The following CNTNAP3B variants were observed in gnomAD, a reference collection of about 807,000 sequenced individuals.
The protein encoded by CNTNAP3B is contactin-associated protein-like 3B.
A neutral mutation model predicts 108.9 loss-of-function variants in CNTNAP3B; 25 were observed. The observed-to-expected ratio is 0.23, with a 90% confidence interval of 0.17 to 0.32. CNTNAP3B has a LOEUF of 0.32. Among genes scored for constraint, CNTNAP3B ranks in the 10% least tolerant of loss-of-function variants. CNTNAP3B has a pLI of 1.00. For synonymous variants in CNTNAP3B, 103 were observed against 473.4 expected (o/e 0.22, Z 10.16); for missense variants, 252 against 1,210.4 (o/e 0.21, Z 11.75).
intron 4 of CNTNAP3B, among the ~76,000 whole-genome samples, chr9:42,012,242 T>A (rs1363858179): frequency 2.5e-5 from 3 of 119,352 alleles, no homozygotes; most frequent in Admixed American, 1.7e-4. Flanking sequence ...ATATCAGACA[T>A]CTTAGCCATT....
chr9:41,939,496 C>G (rs1432817765), intron 13 of CNTNAP3B, among the ~76,000 whole-genome samples: 1 of 143,078 alleles, frequency 7.0e-6, no homozygotes, highest in African/African-American at 2.7e-5. Context: ...GCCCCTCTGC[C>G]AAAAAACAAA....
Position 42,129,136 on chromosome 9 carries a change from G to T in CNTNAP3B, c.-42C>A, listed in dbSNP as rs758927482. On this transcript the variant is annotated 5_prime_UTR_variant, in exon 1 of 24. Transcript: ENST00000377561. ...CGCCCTGAGACCCGGGCACGGCGAC[G>T]GCCGCTCTGCGTCGTTCCTGCTCTC... is the stretch of plus-strand genomic sequence containing the variant. The T allele has an allele frequency of 4.6e-5, 71 of 1,526,894 alleles. 5 individuals carry two copies. The highest frequency in any genetic ancestry group is 5.8e-5 in the Non-Finnish European group (66 of 1,131,526). 94.6% of individuals were successfully genotyped at this position (1,526,894 alleles called of 1,614,324 possible). A position where few individuals can be genotyped will look rare whatever the true frequency, so the allele number is the denominator to read the frequency against.
At chr9:41,961,912 A>C (rs1316932733) in intron 11 of CNTNAP3B, among the ~76,000 whole-genome samples, 2 of 152,310 alleles carry the variant, frequency 1.3e-5, no homozygotes, top group African/African-American at 4.8e-5. Context: ...TTTTTGTGCC[A>C]CTTATGGCAT....
chr9:41,940,954 G>A (rs1824324317), intron 13 of CNTNAP3B, among the ~76,000 whole-genome samples: 1 of 151,998 alleles, frequency 6.6e-6, no homozygotes, highest in Non-Finnish European at 1.5e-5. Flanking sequence ...GGAACATCAG[G>A]AAAAAAATGA....
intron 18 of CNTNAP3B, among the ~76,000 whole-genome samples, chr9:41,919,400 C>T (rs1588038649): frequency 1.3e-5 from 2 of 151,630 alleles, no homozygotes; most frequent in East Asian, 3.9e-4. Context: ...AGGCATAAGC[C>T]ACCACGCCCA....
chr9:41,964,188 T>C (rs1457029046), intron 11 of CNTNAP3B, among the ~76,000 whole-genome samples: 1 of 152,292 alleles, frequency 6.6e-6, no homozygotes. Context: ...GAGAAGATTC[T>C]CAGAATTAAA....
At position 42,121,557 on chromosome 9, in the gene CNTNAP3B, G is replaced by A. The variant is rs184675336; in HGVS notation, c.85+7453C>T. Among the ~76,000 whole-genome samples the A allele has an allele frequency of 6.5e-3, 910 of 139,284 alleles. 203 individuals are homozygous for A. Among genetic ancestry groups the A allele is most frequent in the African/African-American group, 0.025 (866 of 35,150 alleles). The allele number at this position is 139,284 out of a possible 152,430, so 91.4% of individuals were successfully genotyped here. ...ATTGACAATCAACCCCGGCCACCCA[G>A]GAGATGAGCTTTGTCACAGCAATTC... On this transcript the variant is annotated intron_variant, in intron 1 of 23. Coordinates refer to ENST00000377561, the MANE Select transcript of CNTNAP3B (RefSeq NM_001201380.3).
intron 13 of CNTNAP3B, among the ~76,000 whole-genome samples, chr9:41,939,811 G>T (rs1489495400): frequency 6.6e-6 from 1 of 152,228 alleles, no homozygotes; most frequent in Admixed American, 6.5e-5. Flanking sequence ...GTAAGTGGGT[G>T]AACTTCTAGA....
chr9:42,110,459 C>G lies in CNTNAP3B; in HGVS notation c.86-5720G>C, dbSNP rs1828173653. ...CCAGCTTCGAATTATCAGAAAAACA[C>G]AAAGCCTATTATTAAAGAGTTCAAC... On this transcript the variant is annotated intron_variant, in intron 1 of 23. Transcript: ENST00000377561. 1.5e-5 allele frequency among the ~76,000 whole-genome samples: 2 copies of G among 133,840 alleles called. 1 individual carries two copies. The highest frequency in any genetic ancestry group is 4.6e-4 in the East Asian group (2 of 4,378). The allele number at this position is 133,840 out of a possible 152,430, so 87.8% of individuals were successfully genotyped here. A position where few individuals can be genotyped will look rare whatever the true frequency, so the allele number is the denominator to read the frequency against.
At chr9:42,056,411 C>A (rs1165476772) in intron 3 of CNTNAP3B, among the ~76,000 whole-genome samples, 1 of 138,656 alleles carries the variant, frequency 7.2e-6, no homozygotes, top group Middle Eastern at 3.3e-3. Flanking sequence ...AGTGCAGTGG[C>A]GCAATCTTGG....
intron 2 of CNTNAP3B, among the ~76,000 whole-genome samples, chr9:42,100,329 C>A (rs1827995892): frequency 1.9e-5 from 1 of 51,488 alleles, no homozygotes; most frequent in African/African-American, 5.5e-5. Context: ...CAGCTACAGA[C>A]TCTTATGTTT....
At chr9:42,111,954 C>A (rs1828200503) in intron 1 of CNTNAP3B, among the ~76,000 whole-genome samples, 1 of 138,988 alleles carries the variant, frequency 7.2e-6, no homozygotes, top group African/African-American at 2.9e-5. Context: ...CACAAACAGC[C>A]ATATCAACGA....
Position 42,118,511 on chromosome 9 carries a change from T to C in CNTNAP3B, c.85+10499A>G, listed in dbSNP as rs1459229938. 2.2e-5 allele frequency among the ~76,000 whole-genome samples: 3 copies of C among 134,260 alleles called. 1 individual carries two copies. Among genetic ancestry groups the C allele is most frequent in the Non-Finnish European group, 3.2e-5 (2 of 63,334 alleles). The allele number at this position is 134,260 out of a possible 152,430, so 88.1% of individuals were successfully genotyped here. A position where few individuals can be genotyped will look rare whatever the true frequency, so the allele number is the denominator to read the frequency against. On this transcript the variant is annotated intron_variant, in intron 1 of 23. Transcript: ENST00000377561. ...CTAAAAACTCTCAACAAATTAGGTA[T>C]TGATGGCACCTATCTCAAAATAATA...
chr9:41,956,221 C>T, intron 12 of CNTNAP3B, among the ~76,000 whole-genome samples: 1 of 152,172 alleles, frequency 6.6e-6, no homozygotes, highest in South Asian at 2.1e-4. Context: ...CCTATCTCTA[C>T]TAAAAATACA....
In CNTNAP3B at chr9:42,063,668, C is replaced by T. The variant is rs1481376075; in HGVS notation, c.390+13201G>A. On this transcript the variant is annotated intron_variant, in intron 3 of 23. Transcript: ENST00000377561. Reference sequence around the variant, plus strand: ...GCCTTTTTTCCTTCCTTCCTGTCTTCCTTTCTTCTTTGCTCCCTCCCTCCT... The same window carrying T: ...GCCTTTTTTCCTTCCTTCCTGTCTTTCTTTCTTCTTTGCTCCCTCCCTCCT... 1.5e-5 allele frequency among the ~76,000 whole-genome samples: 2 copies of T among 136,478 alleles called. 1 individual carries two copies. The highest frequency in any genetic ancestry group is 3.1e-5 in the Non-Finnish European group (2 of 64,312). 89.5% of individuals were successfully genotyped at this position (136,478 alleles called of 152,430 possible). A position where few individuals can be genotyped will look rare whatever the true frequency, so the allele number is the denominator to read the frequency against.
chr9:42,019,225 CTTAA>C (rs777210648), intron 3 of CNTNAP3B, among the ~76,000 whole-genome samples: 2 of 73,700 alleles, frequency 2.7e-5, no homozygotes, highest in Non-Finnish European at 5.2e-5. Context: ...AACAGCTGTA[CTTAA>C]TTATTTTAAA....
rs1826509510 is a variant in CNTNAP3B, at chr9:42,030,812, A to AGAG, written c.391-17288_391-17287insCTC. 3.8e-4 allele frequency among the ~76,000 whole-genome samples: 17 copies of AGAG among 44,406 alleles called. 1 individual carries two copies. Among genetic ancestry groups the AGAG allele is most frequent in the African/African-American group, 1.7e-3 (15 of 9,090 alleles). 29.1% of individuals were successfully genotyped at this position (44,406 alleles called of 152,430 possible). A position where few individuals can be genotyped will look rare whatever the true frequency, so the allele number is the denominator to read the frequency against. ...GTGTGCGAGAGAGAGAGAGAGAGAG[A>AGAG]GGAGAGAGAGAGAGAGAGAGAGAGA... On this transcript the variant is annotated intron_variant, in intron 3 of 23. Coordinates refer to ENST00000377561, the MANE Select transcript of CNTNAP3B (RefSeq NM_001201380.3).
chr9:41,993,401 TG>T (rs2118359143), intron 7 of CNTNAP3B: 1 of 118,438 alleles, frequency 8.4e-6, no homozygotes, highest in Non-Finnish European at 1.8e-5. Context: ...ACATTCTAAC[TG>T]TATACATCAA....
chr9:41,942,369 G>C (rs1824378569), intron 13 of CNTNAP3B, among the ~76,000 whole-genome samples: 1 of 152,272 alleles, frequency 6.6e-6, no homozygotes, highest in East Asian at 1.9e-4. Context: ...CCAGCATTTT[G>C]GGAGGCTGAG....
Sources: gnomAD v4.1 joint callset for allele counts (sites outside exome capture counted in the v4.1 genomes callset) on GRCh38, gnomAD v4.1.1 for gene constraint, MANE v1.5 for transcripts, NCBI Gene and HGNC (gene_info 2026-07-23, HGNC 2026-07-21) for gene names.